Variants in DYNC2I2 observed in about 807,000 individuals in gnomAD.
DYNC2I2 encodes the protein cytoplasmic dynein 2 intermediate chain 2.
DYNC2I2 carries 39 observed loss-of-function variants against 52.0 expected under a neutral mutation model. That is an observed-to-expected ratio of 0.75 (90% CI 0.58 to 0.98). DYNC2I2 has a LOEUF of 0.98. DYNC2I2 is among the 50% of genes least tolerant of loss of function. DYNC2I2 has a pLI of 0.00. For missense variants in DYNC2I2, 743 were observed against 728.4 expected, an observed-to-expected ratio of 1.02 and a Z score of -0.23; for synonymous variants, 359 against 321.1, an observed-to-expected ratio of 1.12 and a Z score of -1.26.
chr9:128,636,838 C>G (rs988364627), intron 3 of DYNC2I2, 80 bp downstream of exon 3: 11 of 1,119,352 alleles, frequency 9.8e-6, no homozygotes, highest in Non-Finnish European at 1.4e-5. Context: ...ACCAGCCCTT[C>G]CCTGTGCAGC....
At chr9:128,641,773 C>G (rs1344891002) in intron 1 of DYNC2I2, among the ~76,000 whole-genome samples, 1 of 152,030 alleles carries the variant, frequency 6.6e-6, no homozygotes, top group Non-Finnish European at 1.5e-5. Context: ...AGGAAGAGGG[C>G]AGGACTCACC....
At chr9:128,656,393 C>A (rs1345377480) in intron 1 of DYNC2I2, 148 bp downstream of exon 1, 2 of 483,336 alleles carry the variant, frequency 4.1e-6, no homozygotes, top group South Asian at 2.0e-4. Context: ...TAAAGGCAAA[C>A]GGTGGGACGC....
chr9:128,642,566 C>G lies in DYNC2I2; in HGVS notation c.187-1627G>C, dbSNP rs539997185. On this transcript the variant is annotated intron_variant, in intron 1 of 8. Coordinates refer to ENST00000372715, the MANE Select transcript of DYNC2I2 (RefSeq NM_052844.4). ...CGGGCGGATCACAAGGTCAGGAGAT[C>G]GAGACCATCCTGGCTAATACGGTGA... Among the ~76,000 whole-genome samples, 17 of 151,474 alleles carry G rather than the reference C, an allele frequency of 1.1e-4. No homozygotes were observed. The East Asian group carries it at 2.0e-3, about 17-fold the overall frequency.
chr9:128,653,794 G>A (rs981718824), intron 1 of DYNC2I2, among the ~76,000 whole-genome samples: 7 of 152,164 alleles, frequency 4.6e-5, no homozygotes, highest in African/African-American at 1.2e-4. Context: ...GGCGGATCAC[G>A]AGGTCAGGAG....
intron 1 of DYNC2I2, among the ~76,000 whole-genome samples, chr9:128,656,295 A>G (rs1278144041): frequency 6.6e-6 from 1 of 152,118 alleles, no homozygotes; most frequent in Non-Finnish European, 1.5e-5. Context: ...AAAACGTGGG[A>G]TCCTTGGAGG....
intron 1 of DYNC2I2, among the ~76,000 whole-genome samples, chr9:128,648,799 C>CAAAA (rs56801175): frequency 7.6e-6 from 1 of 132,154 alleles, no homozygotes; most frequent in Non-Finnish European, 1.6e-5. Context: ...GACTCCGTTT[C>CAAAA]AAAAAAAAAA....
chr9:128,635,600 G>T, intron 5 of DYNC2I2, 58 bp downstream of exon 5: 1 of 1,477,252 alleles, frequency 6.8e-7, no homozygotes, highest in Non-Finnish European at 9.3e-7. Flanking sequence ...AGGAGAGTGG[G>T]CGCCCTCTCC....
chr9:128,653,454 C>A (rs563312416), intron 1 of DYNC2I2, among the ~76,000 whole-genome samples: 7 of 151,328 alleles, frequency 4.6e-5, no homozygotes, highest in Non-Finnish European at 8.8e-5. Context: ...GTGGCTCACA[C>A]CTGTAATCCC....
At chr9:128,666,983 G>A in the DYNC2I2 span, among the ~76,000 whole-genome samples, 3 of 151,800 alleles carry the variant, frequency 2.0e-5, no homozygotes, top group African/African-American at 7.2e-5. Flanking sequence ...GGTGGATCAC[G>A]AGGTCAGGAA....
At position 128,642,204 on chromosome 9, in the gene DYNC2I2, G is replaced by A. The variant is rs191191896; in HGVS notation, c.187-1265C>T. 7.9e-4 allele frequency among the ~76,000 whole-genome samples: 118 copies of A among 149,742 alleles called. 3 individuals are homozygous for A. The East Asian group carries it at 0.023, about 29-fold the overall frequency. On this transcript the variant is annotated intron_variant, in intron 1 of 8. Coordinates refer to ENST00000372715, the MANE Select transcript of DYNC2I2 (RefSeq NM_052844.4). ...CGGGAGGCTGAGGCAGGAGAATGGC[G>A]TGAACCCAGGAGGCGGAGCTTGCAG...
At chr9:128,638,202 C>G (rs1438811263) in intron 2 of DYNC2I2, among the ~76,000 whole-genome samples, 2 of 141,042 alleles carry the variant, frequency 1.4e-5, no homozygotes, top group African/African-American at 5.4e-5. Context: ...GCCTAAGCAA[C>G]AGAGCAAGAC....
chr9:128,657,722 C>T (rs1007320664), upstream of DYNC2I2, among the ~76,000 whole-genome samples: 1 of 152,016 alleles, frequency 6.6e-6, no homozygotes, highest in Non-Finnish European at 1.5e-5. Context: ...TGTAAAGATC[C>T]CTTGAGTCCA....
intron 3 of DYNC2I2, 92 bp downstream of exon 3, chr9:128,636,826 G>A: frequency 9.8e-7 from 1 of 1,024,166 alleles, no homozygotes; most frequent in South Asian, 1.4e-5. Flanking sequence ...CAAGCTCTTA[G>A]AACCAGCCCT....
At chr9:128,645,899 G>T (rs938683456) in intron 1 of DYNC2I2, among the ~76,000 whole-genome samples, 1 of 152,178 alleles carries the variant, frequency 6.6e-6, no homozygotes, top group Admixed American at 6.6e-5. Flanking sequence ...TGCTGATAGG[G>T]ATAAAGTTTA....
chr9:128,637,675 T>C (rs998600886), intron 2 of DYNC2I2, among the ~76,000 whole-genome samples: 4 of 152,148 alleles, frequency 2.6e-5, no homozygotes, highest in Non-Finnish European at 4.4e-5. Flanking sequence ...ACTCCTGACC[T>C]CAGGTGATCC....
At chr9:128,671,965 T>TTTAATTTA in the DYNC2I2 span, among the ~76,000 whole-genome samples, 1 of 142,924 alleles carries the variant, frequency 7.0e-6, no homozygotes, top group Non-Finnish European at 1.5e-5. Flanking sequence ...ATTTTTGTAT[T>TTTAATTTA]TTTATTTATT....
intron 1 of DYNC2I2, among the ~76,000 whole-genome samples, chr9:128,644,908 G>C (rs146319134): frequency 0.011 from 1,645 of 152,308 alleles, 24 homozygotes; most frequent in South Asian, 0.061. Context: ...TACAGTAATT[G>C]TTTTGCAGCA....
chr9:128,671,321 A>C, the DYNC2I2 span, among the ~76,000 whole-genome samples: 4 of 137,046 alleles, frequency 2.9e-5, no homozygotes, highest in African/African-American at 1.1e-4. Flanking sequence ...TTTTTTTTTG[A>C]GATGGAGTCT....
the DYNC2I2 span, among the ~76,000 whole-genome samples, chr9:128,682,853 T>G: frequency 2.7e-5 from 4 of 147,422 alleles, no homozygotes; most frequent in Admixed American, 2.7e-4. Flanking sequence ...TTTTTTTGTA[T>G]TTTTAGTAGA....
Sources: gnomAD v4.1 joint callset for allele counts (sites outside exome capture counted in the v4.1 genomes callset) on GRCh38, gnomAD v4.1.1 for gene constraint, MANE v1.5 for transcripts, NCBI Gene and HGNC (gene_info 2026-07-23, HGNC 2026-07-21) for gene names.